The following CDH12 variants were observed in gnomAD, a reference collection of about 807,000 sequenced individuals.
CDH12 encodes cadherin 12, also known as cadherin-12.
Under a neutral mutation model 74.1 loss-of-function variants are expected in CDH12, and 41 were observed. That is an observed-to-expected ratio of 0.55 (90% CI 0.43 to 0.72). The LOEUF (loss-of-function observed/expected upper bound fraction) is 0.72, where lower values mean the gene tolerates loss of function less well. CDH12 is among the 30% of genes least tolerant of loss of function. CDH12 has a pLI of 0.00. For missense variants in CDH12, 945 were observed against 977.2 expected (o/e 0.97, Z 0.44); for synonymous variants, 399 against 355.0 (o/e 1.12, Z -1.39).
chr5:21,886,429 TTTC>T (rs1752633654), intron 6 of CDH12, among the ~76,000 whole-genome samples: 1 of 150,116 alleles, frequency 6.7e-6, no homozygotes, highest in African/African-American at 2.4e-5. Context: ...GTTTGTGTTT[TTTC>T]TTTTTATTAT....
intron 6 of CDH12, among the ~76,000 whole-genome samples, chr5:21,933,705 G>C (rs1754947075): frequency 6.6e-6 from 1 of 152,180 alleles, no homozygotes; most frequent in African/African-American, 2.4e-5. Flanking sequence ...TGTAAATTAA[G>C]TGGTAGAAAG....
At chr5:21,872,945 T>A (rs920269631) in intron 6 of CDH12, among the ~76,000 whole-genome samples, 1 of 125,050 alleles carries the variant, frequency 8.0e-6, no homozygotes, top group African/African-American at 2.9e-5. Context: ...TTTATCTGCA[T>A]CTATCTCTCT....
intron 5 of CDH12, among the ~76,000 whole-genome samples, chr5:22,077,276 T>C (rs1742397791): frequency 6.6e-6 from 1 of 152,178 alleles, no homozygotes; most frequent in South Asian, 2.1e-4. Flanking sequence ...ACTTTTCCAC[T>C]GTATAATTTA....
intron 4 of CDH12, among the ~76,000 whole-genome samples, chr5:22,154,441 A>ACACATATATATG (rs1747861793): frequency 1.2e-5 from 1 of 81,688 alleles, no homozygotes; most frequent in Non-Finnish European, 2.6e-5. Flanking sequence ...TAGTGAATAT[A>ACACATATATATG]TACACATATA....
intron 5 of CDH12, among the ~76,000 whole-genome samples, chr5:22,002,858 A>T (rs1274893220): frequency 6.6e-6 from 1 of 152,142 alleles, no homozygotes; most frequent in African/African-American, 2.4e-5. Flanking sequence ...TGATTAAAGT[A>T]TGATTCTCTG....
chr5:21,953,861 A>T (rs1238962216), intron 6 of CDH12, among the ~76,000 whole-genome samples: 1 of 152,106 alleles, frequency 6.6e-6, no homozygotes, highest in Non-Finnish European at 1.5e-5. Flanking sequence ...AAGAAAAAAA[A>T]TTAGGCCTTA....
chr5:22,446,612 G>T (rs545205969), intron 2 of CDH12, among the ~76,000 whole-genome samples: 2 of 152,130 alleles, frequency 1.3e-5, no homozygotes, highest in East Asian at 3.9e-4. Flanking sequence ...AATCTAGAAG[G>T]AACCCAGAAA....
intron 4 of CDH12, among the ~76,000 whole-genome samples, chr5:22,157,587 G>GAAA (rs199765378): frequency 1.3e-5 from 2 of 150,850 alleles, no homozygotes; most frequent in African/African-American, 4.9e-5. Context: ...CATAAAATCT[G>GAAA]AAAAAAAAAT....
At chr5:22,075,209 GACAAAAAACCAAAC>G (rs1004685916) in intron 5 of CDH12, among the ~76,000 whole-genome samples, 11 of 148,584 alleles carry the variant, frequency 7.4e-5, no homozygotes, top group Non-Finnish European at 1.2e-4. Context: ...CTATCGCAAG[GACAAAAAACCAAAC>G]ACCACATGTT....
intron 4 of CDH12, among the ~76,000 whole-genome samples, chr5:22,149,012 G>A (rs990327338): frequency 2.0e-4 from 30 of 152,270 alleles, no homozygotes; most frequent in African/African-American, 6.5e-4. Flanking sequence ...CAGCTACTGG[G>A]GAGGCTGAGG....
intron 6 of CDH12, chr5:21,883,745 T>C (rs1453714345): frequency 2.0e-5 from 31 of 1,589,072 alleles, no homozygotes; most frequent in Non-Finnish European, 2.6e-5. Flanking sequence ...CTAGTGAATA[T>C]GAAAAGGAAA....
chr5:22,362,938 G>A (rs1280900745), intron 3 of CDH12, among the ~76,000 whole-genome samples: 1 of 119,542 alleles, frequency 8.4e-6, no homozygotes, highest in African/African-American at 3.0e-5. Context: ...TTGTGGGGTG[G>A]GGGGAGGGGG....
intron 3 of CDH12, among the ~76,000 whole-genome samples, chr5:22,345,337 TC>T (rs970940639): frequency 1.5e-4 from 23 of 152,320 alleles, no homozygotes; most frequent in African/African-American, 5.3e-4. Flanking sequence ...GTCGAGTTGG[TC>T]CTTTTGAAAT....
At chr5:22,390,222 G>T (rs1476217191) in intron 3 of CDH12, among the ~76,000 whole-genome samples, 1 of 152,102 alleles carries the variant, frequency 6.6e-6, no homozygotes, top group Non-Finnish European at 1.5e-5. Flanking sequence ...GGATTCATTT[G>T]CCAAGAACCT....
intron 1 of CDH12, among the ~76,000 whole-genome samples, chr5:22,673,250 A>G (rs1740997500): frequency 6.6e-6 from 1 of 152,190 alleles, no homozygotes; most frequent in Non-Finnish European, 1.5e-5. Context: ...TTTTTTAAAC[A>G]AACATGATTA....
At chr5:22,057,539 G>A (rs1024387149) in intron 5 of CDH12, among the ~76,000 whole-genome samples, 3 of 152,152 alleles carry the variant, frequency 2.0e-5, no homozygotes, top group East Asian at 3.9e-4. Flanking sequence ...AGGGATGGGG[G>A]AAAGGAACAG....
intron 9 of CDH12, among the ~76,000 whole-genome samples, chr5:21,802,823 C>G (rs1205614604): frequency 6.6e-6 from 1 of 151,980 alleles, no homozygotes; most frequent in Non-Finnish European, 1.5e-5. Flanking sequence ...GATTCCTGAC[C>G]TCAGGTGATC....
chr5:21,993,006 A>G (rs1310766848), intron 5 of CDH12, among the ~76,000 whole-genome samples: 1 of 152,066 alleles, frequency 6.6e-6, no homozygotes, highest in Non-Finnish European at 1.5e-5. Flanking sequence ...AAGTGCCACA[A>G]TTTAATACCA....
At chr5:22,565,296 AG>A (rs1410187431) in intron 1 of CDH12, among the ~76,000 whole-genome samples, 2 of 152,124 alleles carry the variant, frequency 1.3e-5, no homozygotes, top group Non-Finnish European at 2.9e-5. Context: ...TGATAGTTCT[AG>A]GTTTAGTTTT....
Sources: allele counts gnomAD v4.1 joint callset (sites outside exome capture counted in the v4.1 genomes callset), GRCh38; gene constraint gnomAD v4.1.1; transcripts MANE v1.5; gene names NCBI Gene and HGNC (gene_info 2026-07-23, HGNC 2026-07-21).